The following PRELID3A variants were observed in gnomAD, a reference collection of about 807,000 sequenced individuals.
The protein encoded by PRELID3A is PRELI domain containing protein 3A.
In PRELID3A, 27 loss-of-function variants were observed where a neutral mutation model predicts 23.0. That is an observed-to-expected ratio of 1.17 (90% CI 0.87 to 1.62). PRELID3A has a LOEUF of 1.62. Ranked by LOEUF, PRELID3A falls within the 40% of genes most tolerant of loss-of-function variation. The pLI, the probability that PRELID3A is intolerant of heterozygous loss-of-function variation, is 0.00. For missense variants in PRELID3A, 231 were observed against 231.4 expected (o/e 1.00, Z 0.01); for synonymous variants, 87 against 86.4 (o/e 1.01, Z -0.04).
At chr18:12,412,034 C>T (rs1442595173) in intron 1 of PRELID3A, among the ~76,000 whole-genome samples, 1 of 151,922 alleles carries the variant, frequency 6.6e-6, no homozygotes, top group African/African-American at 2.4e-5. Context: ...CCTCAGCCTC[C>T]AGAGTAGCTG....
chr18:12,425,467 A>C (rs75380762), intron 3 of PRELID3A, among the ~76,000 whole-genome samples: 4 of 148,286 alleles, frequency 2.7e-5, no homozygotes, highest in Non-Finnish European at 6.0e-5. Flanking sequence ...AAAAATACAA[A>C]AAAAAAAAAA....
At chr18:12,414,806 G>T (rs1201387220) in intron 1 of PRELID3A, among the ~76,000 whole-genome samples, 1 of 152,056 alleles carries the variant, frequency 6.6e-6, no homozygotes, top group Non-Finnish European at 1.5e-5. Context: ...GTTATGTCTG[G>T]AAAAGTTCTT....
At chr18:12,429,917 C>A (rs984260022) in intron 6 of PRELID3A, among the ~76,000 whole-genome samples, 33 of 152,366 alleles carry the variant, frequency 2.2e-4, no homozygotes, top group Admixed American at 1.8e-3. Flanking sequence ...GCCTTTCTGG[C>A]GTTTCCTTGA....
rs145397828 is a variant in PRELID3A, at chr18:12,428,810, G to A, written c.466-540G>A. ...GTTTGCCAAACAAAATATTATAAGA[G>A]GAAGGGAATATTCAGTGAGGCCACA... is the stretch of plus-strand genomic sequence containing the variant. On this transcript the variant is annotated intron_variant, in intron 5 of 6. Coordinates refer to ENST00000440960, the MANE Select transcript of PRELID3A (RefSeq NM_001142405.2). Among the ~76,000 whole-genome samples the A allele has an allele frequency of 5.6e-3, 847 of 152,342 alleles. 5 individuals are homozygous for A. Among genetic ancestry groups the A allele is most frequent in the Non-Finnish European group, 8.3e-3 (564 of 68,040 alleles).
chr18:12,419,511 C>G (rs539752221), intron 1 of PRELID3A, among the ~76,000 whole-genome samples: 1 of 151,942 alleles, frequency 6.6e-6, no homozygotes, highest in Non-Finnish European at 1.5e-5. Flanking sequence ...TGCCTGTAAT[C>G]CCAGCTACTA....
At chr18:12,421,982 C>G (rs1330523371) in intron 3 of PRELID3A, among the ~76,000 whole-genome samples, 1 of 152,024 alleles carries the variant, frequency 6.6e-6, no homozygotes, top group African/African-American at 2.4e-5. Context: ...CCCTGTCACC[C>G]GGGCTGGAGT....
At chr18:12,411,304 A>C (rs567959484) in intron 1 of PRELID3A, among the ~76,000 whole-genome samples, 35 of 151,268 alleles carry the variant, frequency 2.3e-4, no homozygotes, top group African/African-American at 8.0e-4. Flanking sequence ...TAAAAAATAA[A>C]AAAAAAAAAA....
intron 1 of PRELID3A, among the ~76,000 whole-genome samples, chr18:12,412,199 T>TC (rs981226412): frequency 4.6e-5 from 7 of 150,864 alleles, no homozygotes; most frequent in African/African-American, 1.7e-4. Context: ...CTTTTTTTTT[T>TC]TTTTTCCAGG....
Position 12,420,489 on chromosome 18 carries a change from G to C in PRELID3A, c.197G>C (p.Arg66Thr). ...GAGTGGGGGCTGCCCAGCCTCGTGA[G>C]AGCGGTGAGCGGGGCGGGGGCTGCG... ...STEWGLPSLV[R>T]AILGTSRTLT... is the part of the protein sequence containing the mutation. Residue 66 changes from arginine to threonine, a missense_variant, in exon 2 of 7, where the codon AGA (arginine) becomes ACA (threonine). Physicochemically the swap from Arg to Thr is moderately conservative, Grantham distance 71. Transcript: ENST00000440960. The C allele has an allele frequency of 2.6e-6, 4 of 1,533,534 alleles. No homozygotes were observed. Among genetic ancestry groups the C allele is most frequent in the Non-Finnish European group, 3.5e-6 (4 of 1,138,906 alleles). The allele number at this position is 1,533,534 out of a possible 1,614,324, so 95.0% of individuals were successfully genotyped here. A position where few individuals can be genotyped will look rare whatever the true frequency, so the allele number is the denominator to read the frequency against.
chr18:12,429,808 C>A (rs1272345846), intron 6 of PRELID3A, among the ~76,000 whole-genome samples: 1 of 152,262 alleles, frequency 6.6e-6, no homozygotes. Flanking sequence ...GCATCTGCAT[C>A]TGCTGCTGTG....
chr18:12,421,352 C>A (rs2030175635), intron 2 of PRELID3A, 188 bp from the exon 3 acceptor site: 5 of 589,000 alleles, frequency 8.5e-6, no homozygotes, highest in Non-Finnish European at 6.0e-6. Context: ...GAATTCATTT[C>A]TTTGCTCAGT....
intron 1 of PRELID3A, among the ~76,000 whole-genome samples, chr18:12,412,632 T>C (rs1909956878): frequency 6.6e-6 from 1 of 152,208 alleles, no homozygotes; most frequent in Non-Finnish European, 1.5e-5. Flanking sequence ...TTTCCTCTTA[T>C]TACAAATCGA....
chr18:12,430,712 A>ACACAC, intron 6 of PRELID3A, among the ~76,000 whole-genome samples: 1 of 133,478 alleles, frequency 7.5e-6, no homozygotes, highest in Admixed American at 7.6e-5. Flanking sequence ...GAATGTGTGT[A>ACACAC]TAGTGTGTGC....
intron 2 of PRELID3A, chr18:12,421,257 C>G (rs936183294): frequency 4.9e-6 from 2 of 408,312 alleles, no homozygotes; most frequent in African/African-American, 4.1e-5. Context: ...AGACTCCGCC[C>G]GGCAGAGGGG....
At chr18:12,411,985 A>C (rs1289591949) in intron 1 of PRELID3A, among the ~76,000 whole-genome samples, 2 of 144,142 alleles carry the variant, frequency 1.4e-5, no homozygotes, top group African/African-American at 2.6e-5. Context: ...GTCTCGGCTC[A>C]CTGCAAGCTC....
intron 1 of PRELID3A, among the ~76,000 whole-genome samples, chr18:12,414,317 G>T (rs77188403): frequency 4.7e-4 from 71 of 152,364 alleles, no homozygotes; most frequent in African/African-American, 1.5e-3. Context: ...GTGCACAGCA[G>T]TGAGGACTGC....
chr18:12,410,411 A>G (rs1013784242), intron 1 of PRELID3A, among the ~76,000 whole-genome samples: 2 of 152,168 alleles, frequency 1.3e-5, no homozygotes, highest in African/African-American at 2.4e-5. Context: ...ACAAATGTGG[A>G]ATGTGGCTGG....
chr18:12,417,921 A>G (rs1053090806), intron 1 of PRELID3A, among the ~76,000 whole-genome samples: 1 of 152,192 alleles, frequency 6.6e-6, no homozygotes, highest in Non-Finnish European at 1.5e-5. Context: ...ACTGAACATA[A>G]GTGTTCTATT....
intron 5 of PRELID3A, among the ~76,000 whole-genome samples, 171 bp from the exon 6 acceptor site, chr18:12,429,179 T>G (rs996435800): frequency 6.6e-6 from 1 of 152,220 alleles, no homozygotes; most frequent in Non-Finnish European, 1.5e-5. Context: ...TTCCCCCTTC[T>G]GAGCTGGAGG....
Sources: allele counts gnomAD v4.1 joint callset (sites outside exome capture counted in the v4.1 genomes callset), GRCh38; gene constraint gnomAD v4.1.1; transcripts MANE v1.5; gene names NCBI Gene and HGNC (gene_info 2026-07-23, HGNC 2026-07-21).